The following BLTP1 variants were observed in gnomAD, a reference collection of about 807,000 sequenced individuals.
BLTP1 encodes the protein bridge-like lipid transfer protein family member 1, also known as fragile site-associated protein.
At chr4:122,360,915 A>C in the BLTP1 span, among the ~76,000 whole-genome samples, 1 of 152,330 alleles carries the variant, frequency 6.6e-6, no homozygotes, top group African/African-American at 2.4e-5. Flanking sequence ...AAGAGTATCT[A>C]GTTAAGTAAT....
At chr4:122,266,503 A>G in the BLTP1 span, among the ~76,000 whole-genome samples, 2 of 152,192 alleles carry the variant, frequency 1.3e-5, no homozygotes, top group Admixed American at 6.5e-5. Context: ...TCATAATTTT[A>G]TTTTCCTTGT....
At chr4:122,182,498 C>T in the BLTP1 span, among the ~76,000 whole-genome samples, 1 of 152,192 alleles carries the variant, frequency 6.6e-6, no homozygotes, top group Non-Finnish European at 1.5e-5. Flanking sequence ...ACCTCAGTGC[C>T]ATTGGTCTAA....
the BLTP1 span, among the ~76,000 whole-genome samples, chr4:122,283,031 C>G: frequency 1.3e-5 from 2 of 152,002 alleles, no homozygotes; most frequent in South Asian, 4.1e-4. Flanking sequence ...TTCTTTTGAT[C>G]AGCAGACATT....
At chr4:122,235,526 C>T in the BLTP1 span, 41 of 973,522 alleles carry the variant, frequency 4.2e-5, 2 homozygotes, top group South Asian at 1.8e-3. Context: ...ATAACTCTGG[C>T]CGGGCGTGGT....
At chr4:122,331,157 C>A in the BLTP1 span, 1 of 928,924 alleles carries the variant, frequency 1.1e-6, no homozygotes, top group African/African-American at 1.8e-5. Flanking sequence ...AATAGTTATT[C>A]AGTACATAGT....
chr4:122,272,521 A>C, the BLTP1 span: 1 of 835,610 alleles, frequency 1.2e-6, no homozygotes, highest in South Asian at 1.9e-5. Context: ...TTTTTTTCCC[A>C]GAAAAACTGG....
At chr4:122,194,020 G>A in the BLTP1 span, among the ~76,000 whole-genome samples, 399 of 151,990 alleles carry the variant, frequency 2.6e-3, 3 homozygotes, top group Non-Finnish European at 4.7e-3. Flanking sequence ...CCGCCACTAC[G>A]CCCGGCTAAT....
the BLTP1 span, chr4:122,222,878 C>T: frequency 2.1e-6 from 1 of 473,714 alleles, no homozygotes; most frequent in Non-Finnish European, 2.8e-6. Context: ...TCAACCCACG[C>T]ATGATGCAAA....
chr4:122,318,945 T>G, the BLTP1 span, among the ~76,000 whole-genome samples: 1 of 152,184 alleles, frequency 6.6e-6, no homozygotes, highest in East Asian at 1.9e-4. Flanking sequence ...CTTTTTCGTC[T>G]CTCCATTTTA....
At chr4:122,237,243 T>A in the BLTP1 span, 1 of 985,394 alleles carries the variant, frequency 1.0e-6, no homozygotes, top group South Asian at 4.7e-5. Flanking sequence ...TGAGCAAGAG[T>A]TATTTTTTTT....
At chr4:122,297,917 C>T in the BLTP1 span, 1 of 152,348 alleles carries the variant, frequency 6.6e-6, no homozygotes, top group Non-Finnish European at 1.5e-5. Flanking sequence ...GCAGGGACAG[C>T]AGGAGGGAGG....
chr4:122,173,205 G>T, the BLTP1 span: 1 of 1,572,240 alleles, frequency 6.4e-7, no homozygotes, highest in Non-Finnish European at 8.7e-7. Context: ...TTGAGATGTT[G>T]TCTTACCATT....
the BLTP1 span, chr4:122,280,105 G>A: frequency 6.5e-7 from 1 of 1,535,684 alleles, no homozygotes; most frequent in Non-Finnish European, 8.7e-7. Flanking sequence ...ATTATGGACA[G>A]TGGAGCAAGA....
the BLTP1 span, chr4:122,197,303 AAATAATTAGGGAAATAATTATAAAT>A: frequency 7.4e-7 from 1 of 1,346,986 alleles, no homozygotes; most frequent in South Asian, 1.6e-5. Context: ...TTTTCTTTTT[AAATAATTAGGGAAATAATTATAAAT>A]AATAAAGTTT....
the BLTP1 span, among the ~76,000 whole-genome samples, chr4:122,158,688 G>A: frequency 0.028 from 4,306 of 152,174 alleles, 138 homozygotes; most frequent in African/African-American, 0.08. Context: ...GGAGAATGGC[G>A]TGAACCCAGG....
the BLTP1 span, among the ~76,000 whole-genome samples, chr4:122,361,482 C>G: frequency 1.3e-5 from 2 of 152,058 alleles, no homozygotes; most frequent in South Asian, 4.1e-4. Context: ...ATGAAGGGCT[C>G]CATGAGGGAG....
chr4:122,189,494 CT>C, the BLTP1 span: 2 of 895,088 alleles, frequency 2.2e-6, no homozygotes, highest in Non-Finnish European at 2.7e-6. Context: ...AAAATGATAA[CT>C]TTTTTATTAT....
chr4:122,196,402 C>T, the BLTP1 span, among the ~76,000 whole-genome samples: 2 of 151,990 alleles, frequency 1.3e-5, no homozygotes, highest in East Asian at 1.9e-4. Context: ...TTTAGTTTGT[C>T]GTAGTAATCT....
the BLTP1 span, chr4:122,219,346 T>C: frequency 1.9e-6 from 3 of 1,612,246 alleles, no homozygotes; most frequent in Non-Finnish European, 1.7e-6. Flanking sequence ...ATAGGAAAAC[T>C]ACTTTGGGGA....
Sources: gnomAD v4.1 joint callset for allele counts (sites outside exome capture counted in the v4.1 genomes callset) on GRCh38, gnomAD v4.1.1 for gene constraint, MANE v1.5 for transcripts, NCBI Gene and HGNC (gene_info 2026-07-23, HGNC 2026-07-21) for gene names.